APOE: variants seen among roughly 807,000 people sequenced by gnomAD.
APOE encodes apolipoprotein E3.
APOE carries 10 observed loss-of-function variants against 13.1 expected under a neutral mutation model. The ratio of observed to expected loss-of-function variants is 0.76; its 90% CI spans 0.47 to 1.29. The LOEUF (loss-of-function observed/expected upper bound fraction) is 1.29. APOE is among the 50% of genes most tolerant of loss of function. The pLI is 0.00. For missense variants in APOE, 471 were observed against 459.6 expected, an observed-to-expected ratio of 1.02 and a Z score of -0.23; for synonymous variants, 211 against 207.1, an observed-to-expected ratio of 1.02 and a Z score of -0.16.
At position 44,906,323 on chromosome 19, in the gene APOE, G is replaced by A; in HGVS notation, c.-23-279G>A. On this transcript the variant is annotated intron_variant, in intron 1 of 3. Transcript: ENST00000252486. ...GCGAGACTGGGACTGAGATGGAACC[G>A]GCGGTGGGGAGGGGGTGGGGGGATG... The A allele has an allele frequency of 5.7e-6, 3 of 527,862 alleles. No individual in the cohort carries two copies. In the South Asian group the frequency reaches 6.2e-5, roughly 11 times the overall value. 32.7% of individuals were successfully genotyped at this position (527,862 alleles called of 1,614,324 possible).
rs1343765398 is a variant in APOE at position 44,909,046 on chromosome 19, G to A, written c.750G>A (p.Val250=). The A allele has an allele frequency of 5.1e-6, 8 of 1,556,240 alleles. No homozygotes were observed. The highest frequency in any genetic ancestry group is 2.4e-5 in the East Asian group (1 of 41,896). The change falls in exon 4 of 4, where the codon GTG becomes GTA. Residue 250 remains valine (V), a synonymous_variant. Coordinates refer to ENST00000252486, the MANE Select transcript of APOE (RefSeq NM_000041.4). ...GSRTRDRLDE[V]KEQVAEVRAK... is the part of the protein sequence containing the mutation. ...GGACCCGCGACCGCCTGGACGAGGT[G>A]AAGGAGCAGGTGGCGGAGGTGCGCG...
chr19:44,908,453 C>T (rs1969851360), intron 3 of APOE, 80 bp from the exon 4 acceptor site: 1 of 1,440,290 alleles, frequency 6.9e-7, no homozygotes, highest in Non-Finnish European at 9.7e-7. Flanking sequence ...CTCTCTGGCT[C>T]ATCCCCATCT....
rs770942678 is a variant in APOE, at chr19:44,908,918, G to A, written c.622G>A (p.Val208Met). ...RLGPLVEQGR[V>M]RAATVGSLAG... ...GGGGCCCCTGGTGGAACAGGGCCGC[G>A]TGCGGGCCGCCACTGTGGGCTCCCT... Residue 208 changes from valine to methionine, a missense_variant, in exon 4 of 4, where the codon GTG becomes ATG. By Grantham distance (21) the Val-to-Met change is conservative. Transcript: ENST00000252486. The A allele has an allele frequency of 4.8e-6, 7 of 1,472,440 alleles. No homozygotes were observed. The highest frequency in any genetic ancestry group is 4.4e-5 in the African/African-American group (3 of 68,864). 91.2% of individuals were successfully genotyped at this position (1,472,440 alleles called of 1,614,324 possible).
chr19:44,908,394 C>CT, intron 3 of APOE, 139 bp from the exon 4 acceptor site: 1 of 855,922 alleles, frequency 1.2e-6, no homozygotes, highest in Non-Finnish European at 1.9e-6. Context: ...GCATCTGTCT[C>CT]TGTCTCCTTC....
At position 44,907,756 on chromosome 19, in the gene APOE, A is replaced by G; in HGVS notation, c.44-4A>G. 6.2e-7 allele frequency: 1 copy of G among 1,607,678 alleles called. No homozygotes were observed. The highest frequency in any genetic ancestry group is 8.5e-7 in the Non-Finnish European group (1 of 1,178,832). On this transcript the variant is annotated splice_region_variant and splice_polypyrimidine_tract_variant and intron_variant, in intron 2 of 3. Transcript: ENST00000252486. This position sits in a 1 kb window ranked among gnomAD's most constrained non-coding sequence, Gnocchi z 4.1. ...CTGACCCACCTTGAACTTGTTCCAC[A>G]CAGGATGCCAGGCCAAGGTGGAGCA...
intron 3 of APOE, 69 bp from the exon 4 acceptor site, chr19:44,908,464 C>T: frequency 1.3e-6 from 2 of 1,525,108 alleles, no homozygotes; most frequent in Admixed American, 1.7e-5. Flanking sequence ...ATCCCCATCT[C>T]GCCCGCCCCA....
In APOE at chr19:44,908,706, G is replaced by A. The variant is rs11542035; in HGVS notation, c.410G>A (p.Arg137His). The A allele has an allele frequency of 1.3e-5, 21 of 1,559,738 alleles. No homozygotes were observed. The highest frequency in any genetic ancestry group is 1.7e-5 in the Non-Finnish European group (20 of 1,152,642). The change falls in exon 4 of 4, where the codon CGC (arginine) becomes CAC (histidine). Residue 137 changes from arginine (R) to histidine (H), a missense_variant. Transcript: ENST00000252486. Reference sequence around the variant, plus strand: ...GTGTGCGGCCGCCTGGTGCAGTACCGCGGCGAGGTGCAGGCCATGCTCGGC... The same window carrying A: ...GTGTGCGGCCGCCTGGTGCAGTACCACGGCGAGGTGCAGGCCATGCTCGGC... Reference protein sequence around the residue: ...EDVCGRLVQYRGEVQAMLGQS... With the variant: ...EDVCGRLVQYHGEVQAMLGQS...
At chr19:44,905,990 A>C in intron 1 of APOE, 149 bp downstream of exon 1, 1 of 1,200,984 alleles carries the variant, frequency 8.3e-7, no homozygotes, top group Non-Finnish European at 1.1e-6. Context: ...GGCAAGCAGC[A>C]GGGGACTGGA....
rs1969795580 is a variant in APOE at position 44,905,823 on chromosome 19, C to A, written c.-42C>A. ...ACTCAGCCCCAGCGGAGGTGAAGGA[C>A]GTCCTTCCCCAGGAGCCGGTGAGAA... is the stretch of plus-strand genomic sequence containing the variant. On this transcript the variant is annotated 5_prime_UTR_variant, in exon 1 of 4. Coordinates refer to ENST00000252486, the MANE Select transcript of APOE (RefSeq NM_000041.4). The A allele has an allele frequency of 1.5e-6, 2 of 1,294,086 alleles. No individual in the cohort carries two copies. The highest frequency in any genetic ancestry group is 2.3e-4 in the Middle Eastern group (1 of 4,304). 80.2% of individuals were successfully genotyped at this position (1,294,086 alleles called of 1,614,324 possible). A position where few individuals can be genotyped will look rare whatever the true frequency, so the allele number is the denominator to read the frequency against.
rs1969835176 is a variant in APOE, at chr19:44,907,798, C to T, written c.82C>T (p.Pro28Ser). 4 of 1,613,402 alleles carry T rather than the reference C, an allele frequency of 2.5e-6. No individual in the cohort carries two copies. The highest frequency in any genetic ancestry group is 1.1e-5 in the South Asian group (1 of 91,048). ...AKVEQAVETEPEPELRQQTEW... is the reference protein window; with the variant it reads ...AKVEQAVETESEPELRQQTEW... ...GGTGGAGCAAGCGGTGGAGACAGAG[C>T]CGGAGCCCGAGCTGCGCCAGCAGAC... Residue 28 changes from proline to serine, a missense_variant, in exon 3 of 4, where the codon CCG becomes TCG. By Grantham distance (74) the Pro-to-Ser change is moderately conservative. Transcript: ENST00000252486. This position sits in a 1 kb window ranked among gnomAD's most constrained non-coding sequence, Gnocchi z 4.1.
Position 44,907,962 on chromosome 19 carries a change from C to T in APOE, c.236+10C>T. ...TCACCCAGGAACTGAGGTGAGTGTC[C>T]CCATCCTGGCCCTTGACCCTCCTGG... On this transcript the variant is annotated intron_variant, in intron 3 of 3. Coordinates refer to ENST00000252486, the MANE Select transcript of APOE (RefSeq NM_000041.4). The surrounding 1 kb of genome is among the most constrained non-coding windows in gnomAD (Gnocchi z 4.1). 1 of 1,611,832 alleles carries T rather than the reference C, an allele frequency of 6.2e-7. No individual in the cohort carries two copies. Among genetic ancestry groups the T allele is most frequent in the Non-Finnish European group, 8.5e-7 (1 of 1,179,316 alleles).
In APOE at chr19:44,905,873, G is replaced by T. The variant is rs1470816009; in HGVS notation, c.-24+32G>T. ...AGCGCAGTCGGGGGCACGGGGATGA[G>T]CTCAGGGGCCTCTAGAAAGAGCTGG... On this transcript the variant is annotated intron_variant, in intron 1 of 3. Transcript: ENST00000252486. 2.3e-6 allele frequency: 3 copies of T among 1,295,470 alleles called. 1 individual carries two copies. The Admixed American group carries it at 7.3e-5, about 31-fold the overall frequency. 80.2% of individuals were successfully genotyped at this position (1,295,470 alleles called of 1,614,324 possible).
rs1210528652 is a variant in APOE at position 44,908,665 on chromosome 19, C to A, written c.369C>A (p.Gly123=). ...TGCAGGCGGCGCAGGCCCGGCTGGGCGCGGACATGGAGGACGTGTGCGGCC... is the reference window on the plus strand; with the variant it reads ...TGCAGGCGGCGCAGGCCCGGCTGGGAGCGGACATGGAGGACGTGTGCGGCC... The part of the protein sequence containing the change: ...KELQAAQARL[G]ADMEDVCGRL... The change falls in exon 4 of 4, where the codon GGC becomes GGA. Residue 123 remains glycine, a synonymous_variant. Coordinates refer to ENST00000252486, the MANE Select transcript of APOE (RefSeq NM_000041.4). 6.3e-7 allele frequency: 1 copy of A among 1,582,336 alleles called. No homozygotes were observed. The highest frequency in any genetic ancestry group is 1.1e-5 in the South Asian group (1 of 87,706).
rs758885367 is a variant in APOE at position 44,907,710 on chromosome 19, C to T, written c.44-50C>T. 3.3e-6 allele frequency: 5 copies of T among 1,537,986 alleles called. No homozygotes were observed. Among genetic ancestry groups the T allele is most frequent in the Admixed American group, 1.9e-5 (1 of 53,040 alleles). On this transcript the variant is annotated intron_variant, in intron 2 of 3. Transcript: ENST00000252486. The surrounding 1 kb of genome is among the most constrained non-coding windows in gnomAD (Gnocchi z 4.1). ...CTGTGTGCCCCTAGGTACTAGATGC[C>T]TGGACGGGGTCAGAAGGACCCTGAC...
chr19:44,907,279 C>G lies in APOE; in HGVS notation c.44-481C>G, dbSNP rs1480409758. 2.5e-5 allele frequency: 6 copies of G among 244,724 alleles called. No homozygotes were observed. The East Asian group carries it at 5.9e-4, about 24-fold the overall frequency. The allele number at this position is 244,724 out of a possible 1,614,324, so 15.2% of individuals were successfully genotyped here. A position where few individuals can be genotyped will look rare whatever the true frequency, so the allele number is the denominator to read the frequency against. On this transcript the variant is annotated intron_variant, in intron 2 of 3. Transcript: ENST00000252486. This position sits in a 1 kb window ranked among gnomAD's most constrained non-coding sequence, Gnocchi z 4.1. Reference sequence around the variant, plus strand: ...TCTCCATCACCCCCACACAGCCCTGCCTGGGGCACACAAGGACACTCAATA... The same window carrying G: ...TCTCCATCACCCCCACACAGCCCTGGCTGGGGCACACAAGGACACTCAATA...
rs752327439 is a variant in APOE, at chr19:44,909,061, G to A, written c.765G>A (p.Ala255=). ...DRLDEVKEQV[A]EVRAKLEEQA... is the part of the protein sequence containing the mutation. ...TGGACGAGGTGAAGGAGCAGGTGGC[G>A]GAGGTGCGCGCCAAGCTGGAGGAGC... Residue 255 remains alanine, a synonymous_variant, in exon 4 of 4, where the codon GCG becomes GCA. Coordinates refer to ENST00000252486, the MANE Select transcript of APOE (RefSeq NM_000041.4). 5.7e-6 allele frequency: 9 copies of A among 1,565,806 alleles called. No homozygotes were observed. The highest frequency in any genetic ancestry group is 4.7e-5 in the East Asian group (2 of 42,506).
rs1969842467 is a variant in APOE, at chr19:44,907,972, C to T, written c.236+20C>T. The T allele has an allele frequency of 1.9e-6, 3 of 1,610,584 alleles. No homozygotes were observed. The highest frequency in any genetic ancestry group is 2.5e-6 in the Non-Finnish European group (3 of 1,178,790). On this transcript the variant is annotated intron_variant, in intron 3 of 3. Transcript: ENST00000252486. This position sits in a 1 kb window ranked among gnomAD's most constrained non-coding sequence, Gnocchi z 4.1. ...ACTGAGGTGAGTGTCCCCATCCTGG[C>T]CCTTGACCCTCCTGGTGGGCGGCTA... is the stretch of plus-strand genomic sequence containing the variant.
chr19:44,906,069 T>C (rs1414711765), intron 1 of APOE: 1 of 444,538 alleles, frequency 2.2e-6, no homozygotes, highest in African/African-American at 2.1e-5. Context: ...GCAGCTGGAC[T>C]GGGATGTAAG....
Position 44,908,606 on chromosome 19 carries a change from G to A in APOE, c.310G>A (p.Ala104Thr), listed in dbSNP as rs767382895. The A allele has an allele frequency of 3.8e-5, 62 of 1,612,480 alleles. No individual in the cohort carries two copies. Among genetic ancestry groups the A allele is most frequent in the Non-Finnish European group, 5.2e-5 (61 of 1,179,188 alleles). Reference protein sequence around the residue: ...SELEEQLTPVAEETRARLSKE... With the variant: ...SELEEQLTPVTEETRARLSKE... ...ACTGGAGGAACAACTGACCCCGGTG[G>A]CGGAGGAGACGCGGGCACGGCTGTC... The change falls in exon 4 of 4, where the codon GCG becomes ACG. Residue 104 changes from alanine (A) to threonine (T), a missense_variant. Coordinates refer to ENST00000252486, the MANE Select transcript of APOE (RefSeq NM_000041.4).
Sources: gnomAD v4.1 joint callset for allele counts on GRCh38, gnomAD v4.1.1 for gene constraint, Gnocchi (gnomAD v3.1) non-coding constraint, MANE v1.5 for transcripts, NCBI Gene and HGNC (gene_info 2026-07-23, HGNC 2026-07-21) for gene names.